Variants in C14orf39 observed in about 807,000 individuals in gnomAD.
C14orf39 encodes the protein protein SIX6OS1.
In C14orf39, 66 loss-of-function variants were observed where a neutral mutation model predicts 85.6. The ratio of observed to expected loss-of-function variants is 0.77; its 90% CI spans 0.63 to 0.95. The LOEUF (loss-of-function observed/expected upper bound fraction) is 0.95. Among genes scored for constraint, C14orf39 ranks in the 40% least tolerant of loss-of-function variants. The probability of loss-of-function intolerance (pLI) is 0.00; values close to 1 mark genes in which losing one functional copy is unlikely to be tolerated. For missense variants in C14orf39, 735 were observed against 663.9 expected, an observed-to-expected ratio of 1.11 and a Z score of -1.18; for synonymous variants, 242 against 214.0, an observed-to-expected ratio of 1.13 and a Z score of -1.14.
chr14:60,456,252 C>T (rs964884499), intron 15 of C14orf39, among the ~76,000 whole-genome samples: 1 of 151,916 alleles, frequency 6.6e-6, no homozygotes, highest in Admixed American at 6.6e-5. Context: ...ACTACAAATA[C>T]GTGGTTTCCA....
chr14:60,436,019 T>C lies in C14orf39; in HGVS notation c.*826A>G, dbSNP rs1209218437. On this transcript the variant is annotated 3_prime_UTR_variant, in exon 18 of 18. Coordinates refer to ENST00000321731, the MANE Select transcript of C14orf39 (RefSeq NM_174978.3). ...CTAATTTACAAAGCACAAAATACAA[T>C]GATATTGAGCAAAATGTTTACAGAA... 2.6e-5 allele frequency: 4 copies of C among 152,100 alleles called. No homozygotes were observed. Among genetic ancestry groups the C allele is most frequent in the Non-Finnish European group, 5.9e-5 (4 of 67,996 alleles). 9.4% of individuals were successfully genotyped at this position (152,100 alleles called of 1,614,324 possible).
At chr14:60,471,506 T>A (rs781653434) in intron 6 of C14orf39, 46 bp downstream of exon 6, 1 of 1,573,038 alleles carries the variant, frequency 6.4e-7, no homozygotes, top group Admixed American at 1.9e-5. Flanking sequence ...ATTCTTTTCA[T>A]TACAAAGATA....
At chr14:60,457,155 T>C (rs1392291224) in intron 14 of C14orf39, 60 bp from the exon 15 acceptor site, 2 of 1,090,516 alleles carry the variant, frequency 1.8e-6, no homozygotes, top group African/African-American at 3.3e-5. Flanking sequence ...ATGACATACA[T>C]AAAAATGCAT....
In C14orf39 at chr14:60,491,989, T is replaced by C. The variant is rs1162333946; in HGVS notation, c.-8-6903A>G. On this transcript the variant is annotated intron_variant, in intron 2 of 5. Transcript: ENST00000556799. This position sits in a 1 kb window ranked among gnomAD's most constrained non-coding sequence, Gnocchi z 4.5. ...ACTACAGGTGCTTCCCTATTGATCATGTATTTACAAGCCATTACTAGCTCA... is the reference window on the plus strand; with the variant it reads ...ACTACAGGTGCTTCCCTATTGATCACGTATTTACAAGCCATTACTAGCTCA... Among the ~76,000 whole-genome samples, 1 of 152,190 alleles carries C rather than the reference T, an allele frequency of 6.6e-6. No homozygotes were observed. The highest frequency in any genetic ancestry group is 2.4e-5 in the African/African-American group (1 of 41,452).
At chr14:60,476,465 T>G (rs1595479250) in intron 5 of C14orf39, among the ~76,000 whole-genome samples, 1 of 152,304 alleles carries the variant, frequency 6.6e-6, no homozygotes, top group African/African-American at 2.4e-5. Flanking sequence ...CTTCCTCCAT[T>G]ATCCATGAAA....
intron 13 of C14orf39, among the ~76,000 whole-genome samples, chr14:60,459,129 TAATAA>T (rs1891406540): frequency 1.3e-5 from 2 of 151,794 alleles, no homozygotes; most frequent in African/African-American, 4.8e-5. Flanking sequence ...AAATGTTATA[TAATAA>T]AATAACATAT....
chr14:60,447,846 A>G (rs1890847004), intron 16 of C14orf39, among the ~76,000 whole-genome samples: 1 of 152,200 alleles, frequency 6.6e-6, no homozygotes, highest in Non-Finnish European at 1.5e-5. Flanking sequence ...CAAAACAGAC[A>G]TATAGACCAA....
intron 15 of C14orf39, among the ~76,000 whole-genome samples, chr14:60,456,491 A>G (rs950289213): frequency 5.3e-5 from 8 of 151,742 alleles, no homozygotes; most frequent in African/African-American, 1.9e-4. Flanking sequence ...CCTGGGCTCA[A>G]GGGATCCTCC....
At chr14:60,509,743 A>G (rs1413942842) in intron 1 of C14orf39, 1 of 1,613,416 alleles carries the variant, frequency 6.2e-7, no homozygotes, top group African/African-American at 1.3e-5. Context: ...AGTACCGAGT[A>G]AGGAAGAAGT....
chr14:60,488,406 C>T (rs73307430), upstream of C14orf39, among the ~76,000 whole-genome samples: 4,964 of 152,144 alleles, frequency 0.033, 275 homozygotes, highest in African/African-American at 0.11. Context: ...AATTTTATTT[C>T]CCTCTCTCCC....
At chr14:60,441,054 T>C (rs1040779359) in intron 17 of C14orf39, among the ~76,000 whole-genome samples, 4 of 152,106 alleles carry the variant, frequency 2.6e-5, no homozygotes, top group Admixed American at 2.6e-4. Flanking sequence ...AAAATTAACA[T>C]CAAGCCTGGG....
intron 16 of C14orf39, among the ~76,000 whole-genome samples, chr14:60,447,714 C>CAA (rs1566657026): frequency 1.3e-5 from 2 of 151,800 alleles, no homozygotes. Flanking sequence ...ATATGGAACC[C>CAA]AAAAAAAGCC....
At chr14:60,502,194 G>C (rs992737362) in intron 1 of C14orf39, among the ~76,000 whole-genome samples, 5 of 152,122 alleles carry the variant, frequency 3.3e-5, no homozygotes, top group African/African-American at 1.2e-4. Flanking sequence ...TTCAGAAATT[G>C]AGTATTGTAT....
intron 16 of C14orf39, among the ~76,000 whole-genome samples, chr14:60,451,535 T>C (rs957711737): frequency 7.2e-5 from 11 of 152,080 alleles, no homozygotes; most frequent in African/African-American, 2.7e-4. Flanking sequence ...ATGTCCTTTA[T>C]AGGGACATGG....
At chr14:60,475,790 C>T (rs781395270) in intron 5 of C14orf39, among the ~76,000 whole-genome samples, 1 of 152,110 alleles carries the variant, frequency 6.6e-6, no homozygotes, top group Admixed American at 6.6e-5. Context: ...ATTCTTAAAT[C>T]TTCTTTTTCC....
At chr14:60,475,183 T>C (rs1892310751) in intron 5 of C14orf39, among the ~76,000 whole-genome samples, 1 of 152,212 alleles carries the variant, frequency 6.6e-6, no homozygotes, top group African/African-American at 2.4e-5. Flanking sequence ...CTAGTTTATT[T>C]GCATAGAGGT....
intron 16 of C14orf39, among the ~76,000 whole-genome samples, chr14:60,443,159 A>C (rs1890602856): frequency 6.6e-6 from 1 of 151,824 alleles, no homozygotes; most frequent in Non-Finnish European, 1.5e-5. Context: ...GGTTCATCTC[A>C]ATGGGACTGG....
chr14:60,448,410 G>A (rs1240941925), intron 16 of C14orf39, among the ~76,000 whole-genome samples: 1 of 152,202 alleles, frequency 6.6e-6, no homozygotes, highest in Non-Finnish European at 1.5e-5. Context: ...CATTTATGCA[G>A]CCAACAGACA....
intron 1 of C14orf39, among the ~76,000 whole-genome samples, chr14:60,485,599 AG>A (rs1892847976): frequency 1.3e-5 from 2 of 152,214 alleles, no homozygotes; most frequent in South Asian, 4.1e-4. Flanking sequence ...TTCACAGAAC[AG>A]CCAATTCGCA....
Sources: gnomAD v4.1 joint callset for allele counts (sites outside exome capture counted in the v4.1 genomes callset) on GRCh38, gnomAD v4.1.1 for gene constraint, Gnocchi (gnomAD v3.1) non-coding constraint, MANE v1.5 for transcripts, NCBI Gene and HGNC (gene_info 2026-07-23, HGNC 2026-07-21) for gene names.